Variants in CNOT2 observed in about 807,000 individuals in gnomAD.
CNOT2 encodes CC chemokine receptor 4-negative regulator of transcription 2.
Under a neutral mutation model 72.1 loss-of-function variants are expected in CNOT2, and 7 were observed. The observed-to-expected ratio is 0.10, with a 90% CI of 0.06 to 0.18. The LOEUF is 0.18. Among genes scored for constraint, CNOT2 ranks in the 10% least tolerant of loss-of-function variants. The pLI is 1.00. For missense variants in CNOT2, 345 were observed against 660.3 expected (o/e 0.52, Z 5.23); for synonymous variants, 196 against 225.6 (o/e 0.87, Z 1.17).
intron 2 of CNOT2, among the ~76,000 whole-genome samples, chr12:70,296,040 A>G (rs375531921): frequency 1.2e-4 from 19 of 152,302 alleles, no homozygotes; most frequent in South Asian, 4.1e-4. Flanking sequence ...GATAACATAC[A>G]TGGCTTTTCA....
chr12:70,255,459 C>T (rs928266900), intron 1 of CNOT2, among the ~76,000 whole-genome samples: 2 of 152,008 alleles, frequency 1.3e-5, no homozygotes, highest in Non-Finnish European at 2.9e-5. Context: ...GGGTACTGAG[C>T]CTTTTGAAGC....
At chr12:70,264,026 C>T (rs972100730) in intron 1 of CNOT2, among the ~76,000 whole-genome samples, 50 of 152,308 alleles carry the variant, frequency 3.3e-4, no homozygotes, top group African/African-American at 1.1e-3. Context: ...AAAACCTCTG[C>T]TTCTGTTGGT....
intron 1 of CNOT2, among the ~76,000 whole-genome samples, chr12:70,269,963 A>C (rs1356564381): frequency 6.6e-6 from 1 of 152,170 alleles, no homozygotes; most frequent in Non-Finnish European, 1.5e-5. Context: ...AAGTATTGCT[A>C]ATAAAGGTTT....
intron 2 of CNOT2, among the ~76,000 whole-genome samples, chr12:70,283,647 T>A (rs1348473763): frequency 4.1e-5 from 5 of 122,910 alleles, no homozygotes; most frequent in African/African-American, 3.1e-5. Context: ...AGAATGAGTT[T>A]AAAAAAAAAA....
At chr12:70,319,080 TTAAAAA>T (rs1399951997) in intron 3 of CNOT2, 4 of 370,808 alleles carry the variant, frequency 1.1e-5, no homozygotes, top group Non-Finnish European at 1.9e-5. Flanking sequence ...ACTTATAGTA[TTAAAAA>T]TTAATTTCAT....
chr12:70,337,223 T>C, intron 8 of CNOT2, 166 bp from the exon 9 acceptor site: 1 of 508,652 alleles, frequency 2.0e-6, no homozygotes, highest in Non-Finnish European at 3.5e-6. Context: ...AATGAAAATT[T>C]AGTTCTTCAT....
chr12:70,350,044 C>T (rs1045394003), intron 15 of CNOT2, among the ~76,000 whole-genome samples: 1 of 151,748 alleles, frequency 6.6e-6, no homozygotes, highest in African/African-American at 2.4e-5. Context: ...CTTATTCTTT[C>T]CTTTTATATA....
intron 1 of CNOT2, among the ~76,000 whole-genome samples, chr12:70,273,354 A>G (rs1868319180): frequency 6.6e-6 from 1 of 152,032 alleles, no homozygotes; most frequent in African/African-American, 2.4e-5. Context: ...AGTTGATTAC[A>G]TTCTTCCTTG....
chr12:70,338,047 T>G (rs999767635), intron 9 of CNOT2: 1 of 223,310 alleles, frequency 4.5e-6, no homozygotes, highest in South Asian at 6.3e-5. Flanking sequence ...ATGTCTAACT[T>G]ATCTTCAAGG....
chr12:70,269,261 A>G (rs970490493), intron 1 of CNOT2, among the ~76,000 whole-genome samples: 8 of 147,334 alleles, frequency 5.4e-5, no homozygotes, highest in African/African-American at 1.0e-4. Flanking sequence ...TTTAAACTCA[A>G]TTTCGCTCTG....
At chr12:70,334,365 T>C (rs1047403932) in intron 7 of CNOT2, 1 of 152,084 alleles carries the variant, frequency 6.6e-6, no homozygotes, top group African/African-American at 2.4e-5. Context: ...GATTTATCCT[T>C]TACCCTTGTA....
rs183139910 is a variant in CNOT2 at position 70,351,777 on chromosome 12, C to G, written c.1537-2052C>G. Reference sequence around the variant, plus strand: ...CAGAAGAATGATAACAAATTTTCTTCACGAATTCAGATAGTCAACTTGAAC... The same window carrying G: ...CAGAAGAATGATAACAAATTTTCTTGACGAATTCAGATAGTCAACTTGAAC... On this transcript the variant is annotated intron_variant, in intron 15 of 15. Transcript: ENST00000229195. Among the ~76,000 whole-genome samples, 5 of 152,202 alleles carry G rather than the reference C, an allele frequency of 3.3e-5. No individual in the cohort carries two copies. The East Asian group carries it at 9.7e-4, about 29-fold the overall frequency.
chr12:70,247,639 C>T (rs960903649), intron 1 of CNOT2, among the ~76,000 whole-genome samples: 6 of 152,172 alleles, frequency 3.9e-5, no homozygotes, highest in Non-Finnish European at 8.8e-5. Context: ...GCTTTTTACT[C>T]TTCAAACTTC....
intron 2 of CNOT2, among the ~76,000 whole-genome samples, chr12:70,283,934 T>TA (rs1593120324): frequency 6.8e-6 from 1 of 146,198 alleles, no homozygotes; most frequent in East Asian, 2.0e-4. Flanking sequence ...ATGTAAATTT[T>TA]TTTTTTTTTT....
At chr12:70,344,444 G>A in intron 14 of CNOT2, 2 of 443,222 alleles carry the variant, frequency 4.5e-6, no homozygotes, top group Non-Finnish European at 8.0e-6. Flanking sequence ...ACTTAATGCT[G>A]AAGCTGGGTG....
chr12:70,271,783 A>G (rs967469167), intron 1 of CNOT2, among the ~76,000 whole-genome samples: 1 of 152,208 alleles, frequency 6.6e-6, no homozygotes, highest in African/African-American at 2.4e-5. Context: ...ATGGTGAGAC[A>G]GCTATTAAAA....
Position 70,338,463 on chromosome 12 carries a change from G to GACA in CNOT2, c.924_926dup (p.Thr309dup). On this transcript the variant is annotated inframe_insertion, in exon 10 of 16. Coordinates refer to ENST00000229195, the MANE Select transcript of CNOT2 (RefSeq NM_014515.7). The stretch of plus-strand genomic sequence containing the variant: ...GCTAGAATTTGAATACATCTGGCAA[G>GACA]ACAACTTCAAGTACAGATGGACCCA... 1 of 1,609,180 alleles carries GACA rather than the reference G, an allele frequency of 6.2e-7. No individual in the cohort carries two copies.
intron 2 of CNOT2, chr12:70,290,745 T>C (rs574725030): frequency 1.3e-5 from 2 of 152,300 alleles, no homozygotes; most frequent in East Asian, 1.9e-4. Flanking sequence ...TCTCACTATG[T>C]TGCCCAGGCT....
intron 2 of CNOT2, among the ~76,000 whole-genome samples, chr12:70,302,608 C>T (rs1874260827): frequency 6.6e-6 from 1 of 152,166 alleles, no homozygotes; most frequent in African/African-American, 2.4e-5. Flanking sequence ...TGATCTTTTA[C>T]ATTTGCTGAG....
Sources: gnomAD v4.1 joint callset for allele counts (sites outside exome capture counted in the v4.1 genomes callset) on GRCh38, gnomAD v4.1.1 for gene constraint, MANE v1.5 for transcripts, NCBI Gene and HGNC (gene_info 2026-07-23, HGNC 2026-07-21) for gene names.